STK39: variants seen among roughly 807,000 people sequenced by gnomAD.
STK39 encodes STE20/SPS1-related proline-alanine-rich protein kinase.
STK39 carries 20 observed loss-of-function variants against 77.8 expected under a neutral mutation model. That is an observed-to-expected ratio of 0.26 (90% CI 0.18 to 0.37). The LOEUF (loss-of-function observed/expected upper bound fraction) is 0.37. STK39 is among the 10% of genes least tolerant of loss of function. The probability of loss-of-function intolerance (pLI) is 1.00; values close to 1 mark genes in which losing one functional copy is unlikely to be tolerated. For missense variants in STK39, 479 were observed against 656.5 expected, an observed-to-expected ratio of 0.73 and a Z score of 2.95; for synonymous variants, 246 against 234.1, an observed-to-expected ratio of 1.05 and a Z score of -0.47.
intron 10 of STK39, among the ~76,000 whole-genome samples, chr2:168,080,584 G>A (rs565454460): frequency 6.6e-6 from 1 of 152,032 alleles, no homozygotes; most frequent in South Asian, 2.1e-4. Context: ...GAGCCGAGAT[G>A]GCACCACTGC....
At chr2:168,181,247 GAAC>G (rs1689076786) in intron 2 of STK39, among the ~76,000 whole-genome samples, 1 of 152,152 alleles carries the variant, frequency 6.6e-6, no homozygotes, top group African/African-American at 2.4e-5. Flanking sequence ...TTGGCCGGTA[GAAC>G]AACAACGATA....
At chr2:168,056,780 A>C (rs1396868409) in intron 14 of STK39, among the ~76,000 whole-genome samples, 2 of 152,220 alleles carry the variant, frequency 1.3e-5, no homozygotes, top group African/African-American at 4.8e-5. Flanking sequence ...AGGAAGGTGC[A>C]AAAGAGGGCA....
intron 7 of STK39, among the ~76,000 whole-genome samples, chr2:168,139,390 A>ATATATTTAT (rs1157720320): frequency 1.6e-5 from 2 of 127,604 alleles, no homozygotes; most frequent in African/African-American, 6.6e-5. Context: ...CTAAAATCCT[A>ATATATTTAT]ACTATGTTAA....
chr2:167,983,707 C>G (rs1001971500), intron 16 of STK39, among the ~76,000 whole-genome samples: 1 of 152,062 alleles, frequency 6.6e-6, no homozygotes, highest in Non-Finnish European at 1.5e-5. Flanking sequence ...TGACACTGGA[C>G]GCTGGGAATG....
chr2:168,232,498 T>C (rs1690484153), intron 1 of STK39, among the ~76,000 whole-genome samples: 1 of 152,234 alleles, frequency 6.6e-6, no homozygotes, highest in East Asian at 1.9e-4. Flanking sequence ...AGCATCCAAC[T>C]GTAACTTTTA....
At chr2:168,146,963 C>T (rs925845) in intron 5 of STK39, among the ~76,000 whole-genome samples, 60,748 of 152,030 alleles carry the variant, frequency 0.4, 13,487 homozygotes, top group East Asian at 0.67. Flanking sequence ...AGCAAGTTAT[C>T]GAAGGTCTGA....
At chr2:168,113,712 T>A (rs1211905621) in intron 10 of STK39, among the ~76,000 whole-genome samples, 2 of 152,160 alleles carry the variant, frequency 1.3e-5, no homozygotes, top group Non-Finnish European at 2.9e-5. Flanking sequence ...GCTTGCTTAT[T>A]AAAAATGCAG....
chr2:168,111,086 A>G (rs1008183616), intron 10 of STK39, among the ~76,000 whole-genome samples: 3 of 152,088 alleles, frequency 2.0e-5, no homozygotes, highest in African/African-American at 4.8e-5. Flanking sequence ...CAGTTTTGGT[A>G]AGTTATATTT....
intron 12 of STK39, among the ~76,000 whole-genome samples, chr2:168,069,798 A>T (rs530400619): frequency 6.6e-6 from 1 of 152,300 alleles, no homozygotes; most frequent in South Asian, 2.1e-4. Flanking sequence ...GAGTCTAGAC[A>T]CTGCATTTTT....
chr2:168,149,967 T>C (rs1688237702), intron 5 of STK39, among the ~76,000 whole-genome samples: 1 of 152,212 alleles, frequency 6.6e-6, no homozygotes, highest in Non-Finnish European at 1.5e-5. Context: ...GTCTAGACCC[T>C]TGTAATTCAA....
intron 14 of STK39, among the ~76,000 whole-genome samples, chr2:168,042,768 T>TG (rs1270179340): frequency 6.6e-6 from 1 of 151,920 alleles, no homozygotes; most frequent in African/African-American, 2.4e-5. Flanking sequence ...TTAGTAGAGA[T>TG]GGGGCTTCAC....
At chr2:168,228,773 T>A (rs985717195) in intron 1 of STK39, among the ~76,000 whole-genome samples, 6 of 151,644 alleles carry the variant, frequency 4.0e-5, no homozygotes, top group Admixed American at 2.6e-4. Context: ...TGGACAAGAG[T>A]GAAACTCCAT....
chr2:168,209,165 T>A (rs150718808), intron 1 of STK39, among the ~76,000 whole-genome samples: 1 of 152,100 alleles, frequency 6.6e-6, no homozygotes, highest in Non-Finnish European at 1.5e-5. Context: ...CCTAGGCCCG[T>A]AGGAAGCAAA....
chr2:167,967,054 A>C (rs1692177789), intron 16 of STK39, among the ~76,000 whole-genome samples: 1 of 152,200 alleles, frequency 6.6e-6, no homozygotes, highest in South Asian at 2.1e-4. Flanking sequence ...CTGAGAAGGA[A>C]GGGCTGGGTA....
intron 14 of STK39, among the ~76,000 whole-genome samples, chr2:168,062,060 T>C (rs1685679638): frequency 6.6e-6 from 1 of 152,168 alleles, no homozygotes; most frequent in Non-Finnish European, 1.5e-5. Context: ...AGCTTTAGTA[T>C]GCACAGAAGC....
At chr2:167,965,135 C>CA (rs796453833) in intron 16 of STK39, among the ~76,000 whole-genome samples, 26 of 84,638 alleles carry the variant, frequency 3.1e-4, no homozygotes, top group South Asian at 1.1e-3. Flanking sequence ...AAAAAAAAAA[C>CA]AAAAAAAAAC....
chr2:168,012,452 C>T (rs1364948877), intron 16 of STK39, among the ~76,000 whole-genome samples, 182 bp downstream of exon 16: 1 of 152,172 alleles, frequency 6.6e-6, no homozygotes, highest in African/African-American at 2.4e-5. Flanking sequence ...GGATTATAGG[C>T]ATGAGTCATG....
chr2:168,095,426 T>A (rs1686636587), intron 10 of STK39, among the ~76,000 whole-genome samples: 1 of 152,064 alleles, frequency 6.6e-6, no homozygotes, highest in Non-Finnish European at 1.5e-5. Context: ...AGGAAAGACC[T>A]CCAAAGAGGT....
intron 16 of STK39, among the ~76,000 whole-genome samples, chr2:167,995,963 C>T (rs749385066): frequency 6.6e-6 from 1 of 152,140 alleles, no homozygotes; most frequent in South Asian, 2.1e-4. Context: ...CTTTAATGCT[C>T]TGCTGTCACC....
Sources: allele counts gnomAD v4.1 joint callset (sites outside exome capture counted in the v4.1 genomes callset), GRCh38; gene constraint gnomAD v4.1.1; transcripts MANE v1.5; gene names NCBI Gene and HGNC (gene_info 2026-07-23, HGNC 2026-07-21).